Variants in AKAP7 observed in about 807,000 individuals in gnomAD.
The protein encoded by AKAP7 is A-kinase anchoring protein 7.
In AKAP7, 39 loss-of-function variants were observed where a neutral mutation model predicts 39.5. That is an observed-to-expected ratio of 0.99 (90% CI 0.76 to 1.29). AKAP7 has a LOEUF of 1.29. Among genes scored for constraint, AKAP7 ranks in the 50% most tolerant of loss-of-function variants. AKAP7 has a pLI of 0.00. For missense variants in AKAP7, 414 were observed against 407.7 expected, an observed-to-expected ratio of 1.02 and a Z score of -0.13; for synonymous variants, 140 against 139.1, an observed-to-expected ratio of 1.01 and a Z score of -0.05.
chr6:131,199,387 G>C (rs1016760914), intron 5 of AKAP7, 74 bp from the exon 6 acceptor site: 2 of 971,710 alleles, frequency 2.1e-6, no homozygotes, highest in Non-Finnish European at 3.1e-6. Context: ...GTTTGAACTG[G>C]TATTTTTTTT....
Position 131,281,321 on chromosome 6 carries a change from T to G in AKAP7, c.851-209T>G, listed in dbSNP as rs1158673370. Among the ~76,000 whole-genome samples, 2 of 152,202 alleles carry G rather than the reference T, an allele frequency of 1.3e-5. No individual in the cohort carries two copies. The highest frequency in any genetic ancestry group is 1.3e-4 in the Admixed American group (2 of 15,274). On this transcript the variant is annotated intron_variant, in intron 7 of 7. Transcript: ENST00000431975. This position sits in a 1 kb window ranked among gnomAD's most constrained non-coding sequence, Gnocchi z 4.0. ...AGGTAGAGCTTGTCTAGATTGGGAC[T>G]AATGAACTACTTTTCAATCTGAAGC...
rs377108988 is a variant in AKAP7, at chr6:131,205,971, G to A, written c.702+6398G>A. ...TTGTTCAGCCTCATGCTTTTTGTAC[G>A]GTATCTTTTTGGACTTATTTTTCTT... On this transcript the variant is annotated intron_variant, in intron 6 of 7. Coordinates refer to ENST00000431975, the MANE Select transcript of AKAP7 (RefSeq NM_016377.4). Among the ~76,000 whole-genome samples the A allele has an allele frequency of 2.0e-5, 3 of 151,984 alleles. No homozygotes were observed. In the East Asian group the frequency reaches 5.8e-4, roughly 29 times the overall value.
chr6:131,160,755 A>C (rs1166509397), intron 3 of AKAP7, among the ~76,000 whole-genome samples: 4 of 152,222 alleles, frequency 2.6e-5, no homozygotes, highest in Admixed American at 1.3e-4. Context: ...TTAAAAAATT[A>C]CTCAGTATTG....
At chr6:131,274,856 A>G (rs201384971) in intron 7 of AKAP7, among the ~76,000 whole-genome samples, 1 of 149,496 alleles carries the variant, frequency 6.7e-6, no homozygotes. Flanking sequence ...ATGTCTGGAA[A>G]CCTCCCTGCC....
In AKAP7 at chr6:131,160,068, A is replaced by T; in HGVS notation, c.161A>T (p.Glu54Val). 6.3e-7 allele frequency: 1 copy of T among 1,589,996 alleles called. No homozygotes were observed. Among genetic ancestry groups the T allele is most frequent in the Non-Finnish European group, 8.5e-7 (1 of 1,173,600 alleles). ...DIQDDCGITD[E>V]PQINLKRSQE... Reference sequence around the variant, plus strand: ...GACTTTTTTCCTCTAGTCACTGATGAACCTCAAATAAATTTGAAGAGAAGT... The same window carrying T: ...GACTTTTTTCCTCTAGTCACTGATGTACCTCAAATAAATTTGAAGAGAAGT... The change falls in exon 3 of 8, where the codon GAA becomes GTA. Residue 54 changes from glutamate (E) to valine (V), a missense_variant. Physicochemically the swap from Glu to Val is moderately radical, Grantham distance 121 (BLOSUM62 -2). Coordinates refer to ENST00000431975, the MANE Select transcript of AKAP7 (RefSeq NM_016377.4).
chr6:131,278,476 G>A (rs535510591), intron 7 of AKAP7, among the ~76,000 whole-genome samples: 48 of 152,228 alleles, frequency 3.2e-4, no homozygotes, highest in Admixed American at 9.8e-4. Context: ...GTATTAGTCC[G>A]TTCTTGCATT....
chr6:131,231,277 C>T (rs963404788), intron 7 of AKAP7, among the ~76,000 whole-genome samples: 4 of 151,994 alleles, frequency 2.6e-5, no homozygotes, highest in Non-Finnish European at 4.4e-5. Flanking sequence ...TGAAATGACT[C>T]ATTTAAAAAT....
At chr6:131,157,448 G>A (rs12194130) in intron 2 of AKAP7, among the ~76,000 whole-genome samples, 62,192 of 152,030 alleles carry the variant, frequency 0.41, 13,221 homozygotes, top group African/African-American at 0.51. Flanking sequence ...TGGGCTAGAA[G>A]TGTATTTAGA....
chr6:131,174,465 C>T (rs981101237), intron 5 of AKAP7, among the ~76,000 whole-genome samples: 6 of 152,206 alleles, frequency 3.9e-5, no homozygotes, highest in Admixed American at 6.5e-5. Context: ...CACTGGCTTG[C>T]GCCGATAATC....
chr6:131,170,803 C>T (rs1242654236), intron 5 of AKAP7, among the ~76,000 whole-genome samples: 1 of 152,150 alleles, frequency 6.6e-6, no homozygotes, highest in African/African-American at 2.4e-5. Context: ...GTTAGAATGA[C>T]ATTTAGCATA....
At chr6:131,187,852 G>A (rs1484104313) in intron 5 of AKAP7, among the ~76,000 whole-genome samples, 1 of 152,142 alleles carries the variant, frequency 6.6e-6, no homozygotes, top group Non-Finnish European at 1.5e-5. Flanking sequence ...AATCCCCTAA[G>A]GGTGATGTAC....
intron 7 of AKAP7, among the ~76,000 whole-genome samples, chr6:131,231,623 G>C (rs1240687567): frequency 6.6e-6 from 1 of 152,046 alleles, no homozygotes; most frequent in Non-Finnish European, 1.5e-5. Flanking sequence ...CATACAAATT[G>C]GGTGACCATA....
chr6:131,276,648 C>G (rs1814768842), intron 7 of AKAP7, among the ~76,000 whole-genome samples: 1 of 151,974 alleles, frequency 6.6e-6, no homozygotes, highest in South Asian at 2.1e-4. Context: ...AGCTTTTGTT[C>G]AGATACCAAA....
intron 6 of AKAP7, among the ~76,000 whole-genome samples, chr6:131,204,604 A>G (rs1013600580): frequency 1.3e-5 from 2 of 152,298 alleles, no homozygotes; most frequent in Non-Finnish European, 2.9e-5. Context: ...AATATAGTAT[A>G]TCCCCCTTGA....
At chr6:131,207,564 G>A (rs1808248611) in intron 6 of AKAP7, among the ~76,000 whole-genome samples, 1 of 141,890 alleles carries the variant, frequency 7.0e-6, no homozygotes, top group African/African-American at 2.7e-5. Context: ...TGAACTCCTG[G>A]CCTTAAACGA....
At chr6:131,125,715 T>C in the AKAP7 span, among the ~76,000 whole-genome samples, 1 of 152,298 alleles carries the variant, frequency 6.6e-6, no homozygotes, top group African/African-American at 2.4e-5. Context: ...TTCTGGTCCT[T>C]GTAACCACAC....
rs868349001 is a variant in AKAP7 at position 131,179,460 on chromosome 6, C to T, written c.589+10187C>T. ...AAGTGCTGAGATTACAGGCGTGAGC[C>T]ACCGTGCCTGGCCCGTTATTGTCTA... On this transcript the variant is annotated intron_variant, in intron 5 of 7. Coordinates refer to ENST00000431975, the MANE Select transcript of AKAP7 (RefSeq NM_016377.4). Among the ~76,000 whole-genome samples, 14 of 152,266 alleles carry T rather than the reference C, an allele frequency of 9.2e-5. 1 individual carries two copies. Among genetic ancestry groups the T allele is most frequent in the African/African-American group, 7.2e-5 (3 of 41,540 alleles).
At chr6:131,129,277 ACT>A in the AKAP7 span, among the ~76,000 whole-genome samples, 1 of 87,116 alleles carries the variant, frequency 1.1e-5, no homozygotes, top group Admixed American at 1.4e-4. Context: ...ACAGAGCAAG[ACT>A]CTGTCAAAAA....
intron 6 of AKAP7, among the ~76,000 whole-genome samples, chr6:131,203,790 T>G (rs1007222488): frequency 1.3e-5 from 2 of 152,222 alleles, no homozygotes; most frequent in African/African-American, 4.8e-5. Flanking sequence ...TTATCATAAT[T>G]TAAACATTCT....
Sources: gnomAD v4.1 joint callset for allele counts (sites outside exome capture counted in the v4.1 genomes callset) on GRCh38, gnomAD v4.1.1 for gene constraint, Gnocchi (gnomAD v3.1) non-coding constraint, MANE v1.5 for transcripts, NCBI Gene and HGNC (gene_info 2026-07-23, HGNC 2026-07-21) for gene names.